ASIC2: variants seen among roughly 807,000 people sequenced by gnomAD.
ASIC2 encodes acid-sensing ion channel 2.
Under a neutral mutation model 57.3 loss-of-function variants are expected in ASIC2, and 25 were observed. The observed-to-expected ratio is 0.44, with a 90% CI of 0.32 to 0.61. ASIC2 has a LOEUF of 0.61. Among genes scored for constraint, ASIC2 ranks in the 20% least tolerant of loss-of-function variants. The pLI, the probability that ASIC2 is intolerant of heterozygous loss-of-function variation, is 0.06. For missense variants in ASIC2, 641 were observed against 738.1 expected (o/e 0.87, Z 1.52); for synonymous variants, 319 against 307.5 (o/e 1.04, Z -0.39).
chr17:33,525,967 C>G (rs895789268), intron 1 of ASIC2, among the ~76,000 whole-genome samples: 6 of 152,264 alleles, frequency 3.9e-5, no homozygotes, highest in Middle Eastern at 6.8e-3. Context: ...ATCTTCTTGT[C>G]CTAGGTCAAA....
intron 1 of ASIC2, among the ~76,000 whole-genome samples, chr17:33,926,002 A>G (rs1014982821): frequency 4.6e-5 from 7 of 152,230 alleles, no homozygotes; most frequent in African/African-American, 1.2e-4. Context: ...ATAAATTATT[A>G]TCCAAATACA....
chr17:33,101,227 A>G (rs2092210965), intron 2 of ASIC2, among the ~76,000 whole-genome samples: 1 of 152,158 alleles, frequency 6.6e-6, no homozygotes, highest in African/African-American at 2.4e-5. Context: ...AACCATCATC[A>G]CCCACGCTTG....
At chr17:33,676,820 G>A (rs759761942) in intron 1 of ASIC2, among the ~76,000 whole-genome samples, 58 of 152,296 alleles carry the variant, frequency 3.8e-4, no homozygotes, top group Non-Finnish European at 6.6e-4. Context: ...CAAATCCCAC[G>A]TTGAGTTGTC....
chr17:33,903,535 G>T (rs890595611), intron 1 of ASIC2, among the ~76,000 whole-genome samples: 9 of 152,170 alleles, frequency 5.9e-5, no homozygotes, highest in Admixed American at 5.9e-4. Flanking sequence ...AAATCCTAAA[G>T]AAATGTATTC....
chr17:33,423,257 T>A (rs1165765205), intron 1 of ASIC2, among the ~76,000 whole-genome samples: 1 of 152,174 alleles, frequency 6.6e-6, no homozygotes, highest in Non-Finnish European at 1.5e-5. Flanking sequence ...ACTGGGGATT[T>A]CTAACATGCA....
At chr17:33,129,199 G>A (rs2092335887) in intron 1 of ASIC2, among the ~76,000 whole-genome samples, 1 of 152,230 alleles carries the variant, frequency 6.6e-6, no homozygotes, top group African/African-American at 2.4e-5. Context: ...AATTTGGCAG[G>A]TGGGCAACAC....
intron 1 of ASIC2, among the ~76,000 whole-genome samples, chr17:33,526,840 A>T (rs910557571): frequency 6.6e-6 from 1 of 152,158 alleles, no homozygotes; most frequent in Admixed American, 6.5e-5. Flanking sequence ...GAAAGGCCAG[A>T]TCTGATGTCC....
At chr17:33,111,892 T>C in intron 2 of ASIC2, 25 bp downstream of exon 2, 1 of 1,595,994 alleles carries the variant, frequency 6.3e-7, no homozygotes, top group Non-Finnish European at 8.5e-7. Context: ...CATCACCCAA[T>C]GCCCGGTCCC....
chr17:33,579,717 T>C (rs1904345704), intron 1 of ASIC2, among the ~76,000 whole-genome samples: 1 of 152,186 alleles, frequency 6.6e-6, no homozygotes, highest in African/African-American at 2.4e-5. Context: ...GCGTTACAAC[T>C]GTTAAAAGTA....
chr17:33,798,088 G>C (rs988396386), intron 1 of ASIC2, among the ~76,000 whole-genome samples: 3 of 152,128 alleles, frequency 2.0e-5, no homozygotes, highest in African/African-American at 7.2e-5. Flanking sequence ...GCTTTCATCA[G>C]TGCCGGAGGG....
intron 1 of ASIC2, among the ~76,000 whole-genome samples, chr17:33,164,118 T>A (rs1905238355): frequency 6.6e-6 from 1 of 152,210 alleles, no homozygotes; most frequent in East Asian, 1.9e-4. Context: ...CTGCTTCGCC[T>A]GGTCCTGGGT....
At chr17:33,931,761 A>G (rs1466446442) in intron 1 of ASIC2, among the ~76,000 whole-genome samples, 1 of 152,192 alleles carries the variant, frequency 6.6e-6, no homozygotes, top group Non-Finnish European at 1.5e-5. Flanking sequence ...ATCCCTCTTT[A>G]TGAGCTAGAA....
rs372661128 is a variant in ASIC2, at chr17:33,292,656, A to G, written c.-541T>C. 9 of 985,492 alleles carry G rather than the reference A, an allele frequency of 9.1e-6. No individual in the cohort carries two copies. The highest frequency in any genetic ancestry group is 2.3e-4 in the East Asian group (2 of 8,812). 61.0% of individuals were successfully genotyped at this position (985,492 alleles called of 1,614,324 possible). On this transcript the variant is annotated 5_prime_UTR_variant, in exon 1 of 10. Transcript: ENST00000225823. ...CAGCGGTGCTGGGACACGGGAGAGA[A>G]GGCGCCAAGGAACGAGCGCCCCCAG...
chr17:33,729,314 C>T (rs8073927), intron 1 of ASIC2, among the ~76,000 whole-genome samples: 1,654 of 152,122 alleles, frequency 0.011, 13 homozygotes, highest in Middle Eastern at 0.017. Flanking sequence ...AAACTCAGAG[C>T]GAGAACTCAT....
intron 1 of ASIC2, among the ~76,000 whole-genome samples, chr17:33,385,323 A>G (rs1033566627): frequency 6.6e-6 from 1 of 151,726 alleles, no homozygotes; most frequent in Non-Finnish European, 1.5e-5. Flanking sequence ...GGGTTTCACC[A>G]GGAGCTGTTC....
intron 3 of ASIC2, among the ~76,000 whole-genome samples, chr17:33,031,429 T>G (rs1281240007): frequency 6.6e-6 from 1 of 152,196 alleles, no homozygotes; most frequent in African/African-American, 2.4e-5. Context: ...CTAATTTCAT[T>G]ATGTTTTGGT....
chr17:33,368,084 CT>C (rs1349648337), intron 1 of ASIC2, among the ~76,000 whole-genome samples: 1 of 152,162 alleles, frequency 6.6e-6, no homozygotes, highest in Admixed American at 6.5e-5. Flanking sequence ...GGCATGACAC[CT>C]CTCCATTAAG....
At chr17:33,687,130 T>C (rs12451222) in intron 1 of ASIC2, among the ~76,000 whole-genome samples, 74,453 of 151,710 alleles carry the variant, frequency 0.49, 18,594 homozygotes, top group African/African-American at 0.57. Context: ...GCTTTCTTCA[T>C]AGGATTGTGA....
intron 1 of ASIC2, among the ~76,000 whole-genome samples, chr17:33,572,807 T>C (rs543612881): frequency 9.2e-5 from 14 of 152,320 alleles, no homozygotes; most frequent in Admixed American, 5.2e-4. Flanking sequence ...GTACCTGCTT[T>C]GTGCCTTCCC....
Sources: gnomAD v4.1 joint callset for allele counts (sites outside exome capture counted in the v4.1 genomes callset) on GRCh38, gnomAD v4.1.1 for gene constraint, MANE v1.5 for transcripts, NCBI Gene and HGNC (gene_info 2026-07-23, HGNC 2026-07-21) for gene names.